CTNNA2: variants seen among roughly 807,000 people sequenced by gnomAD.
CTNNA2 encodes the protein catenin alpha 2, also known as catenin alpha-2.
Under a neutral mutation model 101.0 loss-of-function variants are expected in CTNNA2, and 42 were observed. The ratio of observed to expected loss-of-function variants is 0.42; its 90% CI spans 0.32 to 0.54. The LOEUF is 0.54. Among genes scored for constraint, CTNNA2 ranks in the 20% least tolerant of loss-of-function variants. The pLI, the probability that CTNNA2 is intolerant of heterozygous loss-of-function variation, is 0.14. For synonymous variants in CTNNA2, 450 were observed against 456.4 expected, an observed-to-expected ratio of 0.99 and a Z score of 0.18; for missense variants, 871 against 1,223.1, an observed-to-expected ratio of 0.71 and a Z score of 4.29.
intron 4 of CTNNA2, among the ~76,000 whole-genome samples, chr2:79,502,453 G>A (rs1671330739): frequency 6.6e-6 from 1 of 152,138 alleles, no homozygotes; most frequent in African/African-American, 2.4e-5. Context: ...TTGCGACTTG[G>A]TCATTCCCTG....
intron 4 of CTNNA2, among the ~76,000 whole-genome samples, chr2:79,495,914 A>G (rs1671251390): frequency 6.6e-6 from 1 of 152,166 alleles, no homozygotes; most frequent in Non-Finnish European, 1.5e-5. Flanking sequence ...AAAATTGGCA[A>G]CTATATAGAG....
chr2:79,214,096 G>A (rs984861864), intron 2 of CTNNA2, among the ~76,000 whole-genome samples: 1 of 152,160 alleles, frequency 6.6e-6, no homozygotes, highest in African/African-American at 2.4e-5. Flanking sequence ...TGGGAGATTA[G>A]TCGGACACAA....
chr2:79,828,100 G>A (rs1678583040), intron 3 of CTNNA2, among the ~76,000 whole-genome samples: 1 of 152,066 alleles, frequency 6.6e-6, no homozygotes, highest in African/African-American at 2.4e-5. Flanking sequence ...ACTTACATAT[G>A]AGGTTAAAGG....
intron 2 of CTNNA2, among the ~76,000 whole-genome samples, chr2:79,234,925 C>G (rs1195762463): frequency 6.6e-6 from 1 of 152,092 alleles, no homozygotes. Flanking sequence ...TCTTTCAGCT[C>G]CTGGATTGTT....
chr2:79,652,067 C>A (rs1681295002), intron 2 of CTNNA2, among the ~76,000 whole-genome samples: 1 of 152,134 alleles, frequency 6.6e-6, no homozygotes, highest in Non-Finnish European at 1.5e-5. Flanking sequence ...CAGAATTCAT[C>A]CTGTTGGAGT....
At chr2:79,895,692 ATTT>A (rs70940058) in intron 6 of CTNNA2, among the ~76,000 whole-genome samples, 11 of 140,586 alleles carry the variant, frequency 7.8e-5, no homozygotes, top group Admixed American at 1.4e-4. Context: ...AAATTTCTTA[ATTT>A]TTTTTTTTTT....
At chr2:79,920,375 A>G (rs1031490037) in intron 7 of CTNNA2, among the ~76,000 whole-genome samples, 1 of 152,020 alleles carries the variant, frequency 6.6e-6, no homozygotes, top group African/African-American at 2.4e-5. Flanking sequence ...ACATCATCTT[A>G]TTGTTTGTGT....
chr2:80,183,548 A>G (rs979381167), intron 7 of CTNNA2, among the ~76,000 whole-genome samples: 3 of 152,160 alleles, frequency 2.0e-5, no homozygotes, highest in African/African-American at 7.2e-5. Flanking sequence ...GTTTTGAGGG[A>G]GGGTAAACTT....
At chr2:79,395,834 G>C (rs576036086) in intron 4 of CTNNA2, among the ~76,000 whole-genome samples, 4 of 151,980 alleles carry the variant, frequency 2.6e-5, no homozygotes, top group African/African-American at 9.7e-5. Flanking sequence ...ACAGTGTCTC[G>C]CTCTGTCACC....
chr2:79,943,219 CA>C (rs2104463567), intron 7 of CTNNA2, among the ~76,000 whole-genome samples: 1 of 151,856 alleles, frequency 6.6e-6, no homozygotes, highest in African/African-American at 2.4e-5. Context: ...GGGGGTGGGG[CA>C]GGGGGAAGTC....
chr2:79,508,165 T>C (rs1001065044), upstream of CTNNA2, among the ~76,000 whole-genome samples: 1 of 152,198 alleles, frequency 6.6e-6, no homozygotes, highest in African/African-American at 2.4e-5. Context: ...AGTATAATCA[T>C]ATCCCTTGCC....
intron 7 of CTNNA2, among the ~76,000 whole-genome samples, chr2:80,237,784 G>A (rs1709621956): frequency 6.6e-6 from 1 of 152,148 alleles, no homozygotes; most frequent in Non-Finnish European, 1.5e-5. Flanking sequence ...ATTGGGAAAT[G>A]AAGCAAGAAA....
At chr2:80,647,458 G>C in intron 18 of CTNNA2, 127 bp from the exon 19 acceptor site, 1 of 763,996 alleles carries the variant, frequency 1.3e-6, no homozygotes, top group South Asian at 2.3e-5. Context: ...GTGATAATTT[G>C]CTCCTTTTCA....
intron 4 of CTNNA2, among the ~76,000 whole-genome samples, chr2:79,425,501 T>C (rs757718510): frequency 6.6e-6 from 1 of 152,164 alleles, no homozygotes; most frequent in South Asian, 2.1e-4. Context: ...CTTCATTCTC[T>C]AGAGGGTGGA....
intron 7 of CTNNA2, among the ~76,000 whole-genome samples, chr2:80,113,799 T>C (rs561403586): frequency 2.6e-5 from 4 of 152,216 alleles, no homozygotes; most frequent in Non-Finnish European, 5.9e-5. Flanking sequence ...ATGCAAGTAC[T>C]ATCTGGTAAG....
intron 7 of CTNNA2, among the ~76,000 whole-genome samples, chr2:80,350,298 G>A (rs770798745): frequency 1.2e-4 from 18 of 152,242 alleles, no homozygotes; most frequent in East Asian, 9.7e-4. Context: ...ACAGATTTCC[G>A]AATGAAATGG....
chr2:80,151,486 T>C lies in CTNNA2; in HGVS notation c.1056+241689T>C, dbSNP rs558130206. Among the ~76,000 whole-genome samples the C allele has an allele frequency of 1.0e-3, 157 of 152,290 alleles. 1 individual carries two copies. Among genetic ancestry groups the C allele is most frequent in the African/African-American group, 3.7e-3 (152 of 41,572 alleles). ...ATACAGTAAGAGCCACAAAATAGCCTTTACTCACACAGCACTTTCAGGACT... is the reference window on the plus strand; with the variant it reads ...ATACAGTAAGAGCCACAAAATAGCCCTTACTCACACAGCACTTTCAGGACT... On this transcript the variant is annotated intron_variant, in intron 7 of 18. Coordinates refer to ENST00000402739, the MANE Select transcript of CTNNA2 (RefSeq NM_001282597.3).
At chr2:79,399,172 C>T (rs1678263706) in intron 4 of CTNNA2, among the ~76,000 whole-genome samples, 1 of 152,112 alleles carries the variant, frequency 6.6e-6, no homozygotes, top group Non-Finnish European at 1.5e-5. Context: ...AACTGATTAA[C>T]ATTATAGCTG....
At chr2:80,118,274 A>T (rs1427801815) in intron 7 of CTNNA2, among the ~76,000 whole-genome samples, 1 of 152,226 alleles carries the variant, frequency 6.6e-6, no homozygotes, top group Non-Finnish European at 1.5e-5. Context: ...GACGTGGGGC[A>T]TGAATAGTCA....
Sources: gnomAD v4.1 joint callset for allele counts (sites outside exome capture counted in the v4.1 genomes callset) on GRCh38, gnomAD v4.1.1 for gene constraint, MANE v1.5 for transcripts, NCBI Gene and HGNC (gene_info 2026-07-23, HGNC 2026-07-21) for gene names.